Variants in PTPRD observed in about 807,000 individuals in gnomAD.
PTPRD encodes protein tyrosine phosphatase receptor type D.
A neutral mutation model predicts 214.5 loss-of-function variants in PTPRD; 34 were observed. The ratio of observed to expected loss-of-function variants is 0.16; its 90% CI spans 0.12 to 0.21. The LOEUF is 0.21. PTPRD is among the 10% of genes least tolerant of loss of function. PTPRD has a pLI of 1.00. For synonymous variants in PTPRD, 1,128 were observed against 845.7 expected (o/e 1.33, Z -5.79); for missense variants, 2,545 against 2,398.7 (o/e 1.06, Z -1.27).
At chr9:9,954,511 T>C (rs1329414869) in intron 4 of PTPRD, among the ~76,000 whole-genome samples, 11 of 151,822 alleles carry the variant, frequency 7.2e-5, no homozygotes, top group Admixed American at 5.9e-4. Flanking sequence ...ATAAAATACA[T>C]AATCAGACAA....
chr9:9,989,922 G>C (rs1352761717), intron 4 of PTPRD, among the ~76,000 whole-genome samples: 2 of 152,172 alleles, frequency 1.3e-5, no homozygotes, highest in African/African-American at 4.8e-5. Flanking sequence ...AAGGGTTTGA[G>C]CACTGTGGGC....
intron 8 of PTPRD, among the ~76,000 whole-genome samples, chr9:9,493,787 CAAAAAAAAAAAA>C (rs750252052): frequency 5.5e-5 from 3 of 54,460 alleles, no homozygotes; most frequent in Admixed American, 2.1e-4. Flanking sequence ...GACTCCGTCT[CAAAAAAAAAAAA>C]AAAAAAAAAA....
At chr9:9,960,725 C>A (rs1212330136) in intron 4 of PTPRD, among the ~76,000 whole-genome samples, 1 of 152,070 alleles carries the variant, frequency 6.6e-6, no homozygotes, top group African/African-American at 2.4e-5. Context: ...TAAGGAAAGT[C>A]AGAAACTGTC....
At chr9:9,245,711 T>C (rs1444776586) in intron 9 of PTPRD, among the ~76,000 whole-genome samples, 1 of 152,144 alleles carries the variant, frequency 6.6e-6, no homozygotes, top group East Asian at 1.9e-4. Context: ...ATGGCACATG[T>C]ATACATATGT....
At chr9:9,365,043 C>T (rs1007870993) in intron 9 of PTPRD, among the ~76,000 whole-genome samples, 1 of 151,432 alleles carries the variant, frequency 6.6e-6, no homozygotes, top group Non-Finnish European at 1.5e-5. Context: ...GGATGACTCC[C>T]ATCTTACCTG....
chr9:10,317,200 A>C (rs1326973966), intron 3 of PTPRD, among the ~76,000 whole-genome samples: 1 of 151,946 alleles, frequency 6.6e-6, no homozygotes, highest in Non-Finnish European at 1.5e-5. Context: ...GTAAACCATA[A>C]CAAAAATATA....
chr9:9,580,268 T>C (rs753736411), intron 7 of PTPRD, among the ~76,000 whole-genome samples: 12 of 152,240 alleles, frequency 7.9e-5, no homozygotes, highest in Middle Eastern at 3.4e-3. Flanking sequence ...TATTCTTAGT[T>C]CTTTGAGAAA....
intron 11 of PTPRD, among the ~76,000 whole-genome samples, chr9:8,771,621 G>A (rs184824803): frequency 2.0e-5 from 3 of 152,164 alleles, no homozygotes; most frequent in Admixed American, 6.5e-5. Flanking sequence ...AATAGGTATT[G>A]GATGTTTGTT....
intron 5 of PTPRD, among the ~76,000 whole-genome samples, chr9:9,777,655 T>C (rs2154486962): frequency 6.6e-6 from 1 of 152,226 alleles, no homozygotes; most frequent in African/African-American, 2.4e-5. Flanking sequence ...CATCATCACA[T>C]CACTGCACTG....
chr9:9,143,674 C>A (rs889150106), intron 10 of PTPRD, among the ~76,000 whole-genome samples: 1 of 152,260 alleles, frequency 6.6e-6, no homozygotes, highest in Middle Eastern at 3.4e-3. Context: ...CATTCACAAA[C>A]TTTGTATGTT....
intron 34 of PTPRD, among the ~76,000 whole-genome samples, chr9:8,444,087 G>A (rs1048397466): frequency 5.9e-5 from 9 of 152,104 alleles, no homozygotes; most frequent in Non-Finnish European, 1.3e-4. Flanking sequence ...CTAGGACCCT[G>A]CTATCATATT....
intron 11 of PTPRD, among the ~76,000 whole-genome samples, chr9:8,998,225 T>G (rs1478979685): frequency 2.6e-5 from 4 of 152,078 alleles, no homozygotes; most frequent in Non-Finnish European, 4.4e-5. Flanking sequence ...ATCTAGGGCT[T>G]TCAAAGCTAG....
At chr9:8,566,407 C>T (rs1293765545) in intron 14 of PTPRD, among the ~76,000 whole-genome samples, 5 of 152,102 alleles carry the variant, frequency 3.3e-5, no homozygotes, top group Non-Finnish European at 5.9e-5. Flanking sequence ...CCTTATTTGG[C>T]TGTTTGAACT....
At chr9:9,819,591 G>A (rs1012177298) in intron 5 of PTPRD, among the ~76,000 whole-genome samples, 1 of 152,054 alleles carries the variant, frequency 6.6e-6, no homozygotes, top group Non-Finnish European at 1.5e-5. Flanking sequence ...GAGGATTGGG[G>A]TACGAATGAT....
intron 12 of PTPRD, among the ~76,000 whole-genome samples, chr9:8,717,059 T>C (rs1239889317): frequency 6.6e-6 from 1 of 152,084 alleles, no homozygotes; most frequent in African/African-American, 2.4e-5. Context: ...TCCCAGCTAC[T>C]GGGGAGGCTG....
At chr9:10,307,196 A>AT (rs1440059188) in intron 3 of PTPRD, among the ~76,000 whole-genome samples, 1 of 118,906 alleles carries the variant, frequency 8.4e-6, no homozygotes, top group Non-Finnish European at 1.5e-5. Flanking sequence ...GTTTTTACCA[A>AT]TTAAATAACC....
At chr9:10,194,612 T>C (rs1198114516) in intron 3 of PTPRD, among the ~76,000 whole-genome samples, 4 of 152,060 alleles carry the variant, frequency 2.6e-5, no homozygotes, top group Non-Finnish European at 4.4e-5. Context: ...ATATCACATA[T>C]GCTAATAGAA....
At chr9:8,723,505 A>T (rs774896194) in intron 12 of PTPRD, among the ~76,000 whole-genome samples, 10 of 152,202 alleles carry the variant, frequency 6.6e-5, no homozygotes, top group African/African-American at 2.4e-4. Flanking sequence ...CAACTAGAAT[A>T]TAAAGTCTGT....
intron 8 of PTPRD, among the ~76,000 whole-genome samples, chr9:9,496,884 G>A (rs537387631): frequency 6.6e-6 from 1 of 152,098 alleles, no homozygotes; most frequent in Non-Finnish European, 1.5e-5. Flanking sequence ...GTAAAACGTG[G>A]TTTATACATA....
Sources: gnomAD v4.1 joint callset for allele counts (sites outside exome capture counted in the v4.1 genomes callset) on GRCh38, gnomAD v4.1.1 for gene constraint, MANE v1.5 for transcripts, NCBI Gene and HGNC (gene_info 2026-07-23, HGNC 2026-07-21) for gene names.